SCMH1: variants seen among roughly 807,000 people sequenced by gnomAD.
The protein encoded by SCMH1 is polycomb protein SCMH1.
Under a neutral mutation model 70.8 loss-of-function variants are expected in SCMH1, and 37 were observed. The ratio of observed to expected loss-of-function variants is 0.52; its 90% CI spans 0.40 to 0.69. The LOEUF (loss-of-function observed/expected upper bound fraction) is 0.69. Among genes scored for constraint, SCMH1 ranks in the 30% least tolerant of loss-of-function variants. The pLI is 0.00. For missense variants in SCMH1, 607 were observed against 827.3 expected (o/e 0.73, Z 3.27); for synonymous variants, 292 against 307.4 (o/e 0.95, Z 0.52).
In SCMH1 at chr1:41,058,378, G is replaced by GTTTTTTTTTTTTTT. The variant is rs548733204; in HGVS notation, c.1106-9502_1106-9489dup. The stretch of plus-strand genomic sequence containing the variant: ...TTAGTATTTATACATTTTCTTTCTT[G>GTTTTTTTTTTTTTT]TTTTTTTTTTTTTTTTTTTTTTGAG... On this transcript the variant is annotated intron_variant, in intron 10 of 14. Transcript: ENST00000337495. 2.7e-3 allele frequency among the ~76,000 whole-genome samples: 220 copies of GTTTTTTTTTTTTTT among 81,630 alleles called. 42 individuals are homozygous for GTTTTTTTTTTTTTT. Among genetic ancestry groups the GTTTTTTTTTTTTTT allele is most frequent in the East Asian group, 4.8e-3 (9 of 1,872 alleles). The allele number at this position is 81,630 out of a possible 152,430, so 53.6% of individuals were successfully genotyped here.
intron 8 of SCMH1, among the ~76,000 whole-genome samples, chr1:41,090,300 A>T (rs553461570): frequency 6.6e-6 from 1 of 152,208 alleles, no homozygotes; most frequent in Non-Finnish European, 1.5e-5. Context: ...TTCCAAAACA[A>T]TAAGTTTAGT....
At chr1:41,178,134 A>G (rs1647529829) in intron 2 of SCMH1, among the ~76,000 whole-genome samples, 1 of 152,220 alleles carries the variant, frequency 6.6e-6, no homozygotes, top group South Asian at 2.1e-4. Context: ...TATCCAGCCA[A>G]ACTAAGCTTC....
At chr1:41,189,171 C>T (rs556342498) in intron 1 of SCMH1, among the ~76,000 whole-genome samples, 22 of 152,214 alleles carry the variant, frequency 1.4e-4, no homozygotes, top group South Asian at 2.1e-4. Context: ...TGTTTTGAGA[C>T]GGAGTTTCAC....
intron 1 of SCMH1, among the ~76,000 whole-genome samples, chr1:41,234,165 T>G (rs1291936260): frequency 6.6e-6 from 1 of 152,154 alleles, no homozygotes; most frequent in African/African-American, 2.4e-5. Context: ...CCAGGCATGA[T>G]GGCTCACGCC....
rs574098650 is a variant in SCMH1 at position 41,217,327 on chromosome 1, G to A, written c.-118+24732C>T. ...AGCTGAGGCGATTTCTAAGCAAAGTGTGGAAGTATGGCCTGGGTTCTCCTT... is the reference window on the plus strand; with the variant it reads ...AGCTGAGGCGATTTCTAAGCAAAGTATGGAAGTATGGCCTGGGTTCTCCTT... On this transcript the variant is annotated intron_variant, in intron 1 of 14. Transcript: ENST00000337495. Among the ~76,000 whole-genome samples the A allele has an allele frequency of 4.4e-4, 67 of 152,316 alleles. 1 individual carries two copies. Among genetic ancestry groups the A allele is most frequent in the Admixed American group, 4.6e-4 (7 of 15,298 alleles).
intron 10 of SCMH1, among the ~76,000 whole-genome samples, chr1:41,049,890 C>A (rs1463904800): frequency 6.6e-6 from 1 of 151,514 alleles, no homozygotes; most frequent in Non-Finnish European, 1.5e-5. Flanking sequence ...ACAGTGAGAC[C>A]ACATCTCTAC....
intron 8 of SCMH1, among the ~76,000 whole-genome samples, chr1:41,109,043 A>G (rs1427262695): frequency 6.6e-6 from 1 of 152,198 alleles, no homozygotes; most frequent in African/African-American, 2.4e-5. Context: ...CCAAAGGAGA[A>G]TGGGAAGAGT....
At chr1:41,080,332 C>A (rs1326690482) in intron 8 of SCMH1, among the ~76,000 whole-genome samples, 1 of 151,986 alleles carries the variant, frequency 6.6e-6, no homozygotes, top group African/African-American at 2.4e-5. Flanking sequence ...TCTTGCAAAG[C>A]CTCTTTTGAA....
At chr1:41,167,805 G>T (rs914141216) in intron 2 of SCMH1, among the ~76,000 whole-genome samples, 2 of 151,888 alleles carry the variant, frequency 1.3e-5, no homozygotes, top group Non-Finnish European at 2.9e-5. Flanking sequence ...TTGTAAGGCT[G>T]GTCTAGTGGG....
intron 6 of SCMH1, among the ~76,000 whole-genome samples, chr1:41,131,121 A>G (rs909080806): frequency 6.6e-6 from 1 of 152,108 alleles, no homozygotes; most frequent in African/African-American, 2.4e-5. Context: ...TTTCTATGTG[A>G]ATATCCATTT....
intron 10 of SCMH1, among the ~76,000 whole-genome samples, chr1:41,069,484 AT>A (rs1655744547): frequency 1.3e-5 from 2 of 152,218 alleles, no homozygotes; most frequent in African/African-American, 4.8e-5. Flanking sequence ...TAGACCCTTC[AT>A]TCCTTTAAAC....
At chr1:41,114,210 T>C (rs2147866649) in intron 7 of SCMH1, among the ~76,000 whole-genome samples, 1 of 152,318 alleles carries the variant, frequency 6.6e-6, no homozygotes, top group Non-Finnish European at 1.5e-5. Context: ...GGTAGATATA[T>C]ACATCTTCTG....
chr1:41,122,100 TG>T lies in SCMH1; in HGVS notation c.413-5091del, dbSNP rs1369669144. ...TTTTGCAGCCAGAATAATATGGTTA[TG>T]TTTTTAAAAATATAAATCAGGTCAC... On this transcript the variant is annotated intron_variant, in intron 6 of 14. Coordinates refer to ENST00000337495, the Ensembl canonical transcript of SCMH1. 2.6e-5 allele frequency among the ~76,000 whole-genome samples: 4 copies of T among 152,352 alleles called. No homozygotes were observed. In the East Asian group the frequency reaches 7.7e-4, roughly 29 times the overall value.
At chr1:41,058,645 G>T (rs1274525266) in intron 10 of SCMH1, among the ~76,000 whole-genome samples, 1 of 152,040 alleles carries the variant, frequency 6.6e-6, no homozygotes, top group East Asian at 1.9e-4. Flanking sequence ...CTTCCAAAGT[G>T]CTGGGATTAC....
intron 1 of SCMH1, among the ~76,000 whole-genome samples, chr1:41,229,198 C>G (rs1660838379): frequency 7.3e-6 from 1 of 137,912 alleles, no homozygotes; most frequent in African/African-American, 2.5e-5. Context: ...CTCCAACCCC[C>G]TACCAAAAAA....
intron 1 of SCMH1, among the ~76,000 whole-genome samples, chr1:41,206,717 A>G (rs1011617932): frequency 4.6e-5 from 7 of 152,166 alleles, no homozygotes; most frequent in Non-Finnish European, 1.0e-4. Context: ...CCTTGAGAAG[A>G]GCAACCCCAA....
intron 10 of SCMH1, among the ~76,000 whole-genome samples, chr1:41,066,050 T>C (rs1004566037): frequency 6.6e-6 from 1 of 152,152 alleles, no homozygotes; most frequent in Non-Finnish European, 1.5e-5. Context: ...TTTCCAATTT[T>C]TGCCCTAGTC....
At chr1:41,060,557 T>C (rs1025982285) in intron 10 of SCMH1, among the ~76,000 whole-genome samples, 2 of 151,548 alleles carry the variant, frequency 1.3e-5, no homozygotes, top group Non-Finnish European at 2.9e-5. Context: ...TGGAAAATGA[T>C]ATAGATCAGA....
At chr1:41,132,662 G>A (rs1343796096) in intron 6 of SCMH1, among the ~76,000 whole-genome samples, 1 of 152,046 alleles carries the variant, frequency 6.6e-6, no homozygotes. Context: ...TTTCTTCTAG[G>A]GCTTTTACAG....
Sources: allele counts gnomAD v4.1 joint callset (sites outside exome capture counted in the v4.1 genomes callset), GRCh38; gene constraint gnomAD v4.1.1; transcripts MANE v1.5; gene names NCBI Gene and HGNC (gene_info 2026-07-23, HGNC 2026-07-21).